SOS1: variants seen among roughly 807,000 people sequenced by gnomAD.
SOS1 encodes the protein SOS Ras/Rac guanine nucleotide exchange factor 1, also known as son of sevenless homolog 1.
In SOS1, 25 loss-of-function variants were observed where a neutral mutation model predicts 157.6. The ratio of observed to expected loss-of-function variants is 0.16; its 90% CI spans 0.12 to 0.22. The LOEUF is 0.22. SOS1 is among the 10% of genes least tolerant of loss of function. The pLI is 1.00. For missense variants in SOS1, 1,237 were observed against 1,599.1 expected, an observed-to-expected ratio of 0.77 and a Z score of 3.86; for synonymous variants, 528 against 534.0, an observed-to-expected ratio of 0.99 and a Z score of 0.16.
intron 6 of SOS1, among the ~76,000 whole-genome samples, chr2:39,047,595 T>A (rs894012630): frequency 1.1e-4 from 17 of 152,338 alleles, no homozygotes; most frequent in African/African-American, 3.4e-4. Context: ...TTTGCCTATT[T>A]TCTGAAAAAC....
At position 39,054,505 on chromosome 2, in the gene SOS1, T is replaced by TA. The variant is rs540442057; in HGVS notation, c.720+108dup. 1.3e-4 allele frequency: 90 copies of TA among 686,532 alleles called. No individual in the cohort carries two copies. In the East Asian group the frequency reaches 2.2e-3, roughly 17 times the overall value. 42.5% of individuals were successfully genotyped at this position (686,532 alleles called of 1,614,324 possible). A position where few individuals can be genotyped will look rare whatever the true frequency, so the allele number is the denominator to read the frequency against. On this transcript the variant is annotated intron_variant, in intron 5 of 22. Coordinates refer to ENST00000402219, the MANE Select transcript of SOS1 (RefSeq NM_005633.4). ...TGATCATGAATTAAGTCCCACAACT[T>TA]AAAAAAATTAACAAATTAGTAATGA...
At chr2:39,035,628 G>A in intron 6 of SOS1, 128 bp from the exon 7 acceptor site, 3 of 687,086 alleles carry the variant, frequency 4.4e-6, no homozygotes, top group Non-Finnish European at 5.3e-6. Context: ...AAAATTATAT[G>A]ACTACTAATT....
At chr2:39,109,851 C>G (rs56269328) in intron 1 of SOS1, among the ~76,000 whole-genome samples, 12,515 of 152,120 alleles carry the variant, frequency 0.082, 1,838 homozygotes, top group African/African-American at 0.29. Context: ...ATTAACACAG[C>G]AATGAAAGAT....
At chr2:39,085,810 T>C (rs980542450) in intron 1 of SOS1, among the ~76,000 whole-genome samples, 1 of 152,242 alleles carries the variant, frequency 6.6e-6, no homozygotes, top group Non-Finnish European at 1.5e-5. Flanking sequence ...CCAAATATGA[T>C]ATATGCACAC....
intron 10 of SOS1, 123 bp downstream of exon 10, chr2:39,022,447 T>G: frequency 1.4e-6 from 1 of 732,854 alleles, no homozygotes; most frequent in Non-Finnish European, 2.4e-6. Flanking sequence ...GTATTTTTAG[T>G]CAAAGAAAAG....
chr2:39,003,083 G>A (rs1290214179), intron 17 of SOS1, among the ~76,000 whole-genome samples: 4 of 32,000 alleles, frequency 1.3e-4, no homozygotes, highest in East Asian at 1.3e-3. Flanking sequence ...AAAAAAGAAC[G>A]TAGGGGTAGG....
intron 1 of SOS1, among the ~76,000 whole-genome samples, chr2:39,079,004 G>A (rs1672110795): frequency 6.8e-6 from 1 of 146,318 alleles, no homozygotes; most frequent in African/African-American, 2.5e-5. Flanking sequence ...AGGTTGCAGT[G>A]AGCCAAGATT....
Position 38,987,501 on chromosome 2 carries a change from G to T in SOS1, c.3482C>A (p.Ser1161Tyr). 1 of 1,596,376 alleles carries T rather than the reference G, an allele frequency of 6.3e-7. No individual in the cohort carries two copies. The highest frequency in any genetic ancestry group is 8.6e-7 in the Non-Finnish European group (1 of 1,166,146). Reference protein sequence around the residue: ...PPVPPRRRPESAPAESSPSKI... With the variant: ...PPVPPRRRPEYAPAESSPSKI... ...AGATGGTGAAGATTCTGCTGGGGCA[G>T]ATTCTGGTCGTCTTCGTGGAGGAAC... The change falls in exon 22 of 23, where the codon TCT (serine) becomes TAT (tyrosine). Residue 1161 changes from serine (S) to tyrosine (Y), a missense_variant. Around this residue, in one of 15 missense-constraint regions of SOS1, gnomAD observed 306 missense variants for 322.6 expected, o/e 0.95. Coordinates refer to ENST00000402219, the MANE Select transcript of SOS1 (RefSeq NM_005633.4).
intron 1 of SOS1, among the ~76,000 whole-genome samples, chr2:39,094,475 GTC>G (rs1558510482): frequency 6.6e-6 from 1 of 151,880 alleles, no homozygotes. Context: ...GTGAAACCCC[GTC>G]TCTACTAAAT....
chr2:39,045,366 CTGA>C (rs911830524), intron 6 of SOS1, among the ~76,000 whole-genome samples: 1 of 150,246 alleles, frequency 6.7e-6, no homozygotes, highest in African/African-American at 2.4e-5. Flanking sequence ...CTTTTAATTT[CTGA>C]TGGAGACCTG....
At chr2:39,031,379 C>T (rs1263361854) in intron 8 of SOS1, among the ~76,000 whole-genome samples, 1 of 152,068 alleles carries the variant, frequency 6.6e-6, no homozygotes, top group Non-Finnish European at 1.5e-5. Flanking sequence ...GTATAAGGAA[C>T]AAAGAAAAAG....
intron 1 of SOS1, among the ~76,000 whole-genome samples, chr2:39,081,082 G>A (rs1299122646): frequency 6.6e-6 from 1 of 151,952 alleles, no homozygotes; most frequent in Admixed American, 6.6e-5. Context: ...TCAGGAAGCT[G>A]ACCCCAGGAG....
chr2:39,108,474 G>T (rs1479661207), intron 1 of SOS1, among the ~76,000 whole-genome samples: 1 of 152,148 alleles, frequency 6.6e-6, no homozygotes, highest in Non-Finnish European at 1.5e-5. Flanking sequence ...GTTCCTCTTG[G>T]CCTCCAAGCT....
At chr2:39,033,993 A>T (rs1041220353) in intron 8 of SOS1, among the ~76,000 whole-genome samples, 1 of 152,166 alleles carries the variant, frequency 6.6e-6, no homozygotes, top group Non-Finnish European at 1.5e-5. Context: ...ACAGTGTGTA[A>T]ATGTCCCATT....
chr2:39,114,322 A>G (rs1220583515), intron 1 of SOS1, among the ~76,000 whole-genome samples: 2 of 136,238 alleles, frequency 1.5e-5, no homozygotes, highest in Non-Finnish European at 3.1e-5. Context: ...TTTTTTTCTG[A>G]GATGGAGTTT....
intron 10 of SOS1, among the ~76,000 whole-genome samples, chr2:39,016,234 C>A (rs1669625556): frequency 6.6e-6 from 1 of 152,026 alleles, no homozygotes; most frequent in Non-Finnish European, 1.5e-5. Context: ...ATTCAAAATA[C>A]TATTTTAAGT....
intron 1 of SOS1, among the ~76,000 whole-genome samples, chr2:39,068,883 G>T (rs944878280): frequency 6.6e-6 from 1 of 151,984 alleles, no homozygotes; most frequent in African/African-American, 2.4e-5. Context: ...TTCCAGGAGA[G>T]AAACAATACA....
intron 1 of SOS1, among the ~76,000 whole-genome samples, chr2:39,104,595 A>G (rs1033108916): frequency 1.3e-5 from 2 of 152,240 alleles, no homozygotes; most frequent in African/African-American, 2.4e-5. Flanking sequence ...ACAACCCAGC[A>G]ATTCCATTCC....
intron 5 of SOS1, among the ~76,000 whole-genome samples, 168 bp downstream of exon 5, chr2:39,054,446 A>C (rs1181832077): frequency 6.6e-6 from 1 of 152,276 alleles, no homozygotes; most frequent in East Asian, 1.9e-4. Flanking sequence ...TTAATTTCTA[A>C]TGTTAAATCT....
Sources: gnomAD v4.1 joint callset for allele counts (sites outside exome capture counted in the v4.1 genomes callset) on GRCh38, gnomAD v4.1.1 for gene constraint, gnomAD v4.1.1 regional missense constraint, MANE v1.5 for transcripts, NCBI Gene and HGNC (gene_info 2026-07-23, HGNC 2026-07-21) for gene names.